FBP1: variants seen among roughly 807,000 people sequenced by gnomAD.
The protein encoded by FBP1 is fructose-bisphosphatase 1, also known as fructose-1,6-bisphosphatase 1.
Under a neutral mutation model 29.9 loss-of-function variants are expected in FBP1, and 22 were observed. That is an observed-to-expected ratio of 0.74 (90% confidence interval 0.53 to 1.05). FBP1 has a LOEUF of 1.05. Among genes scored for constraint, FBP1 ranks in the 50% least tolerant of loss-of-function variants. The pLI, the probability that FBP1 is intolerant of heterozygous loss-of-function variation, is 0.00. For synonymous variants in FBP1, 175 were observed against 178.6 expected, an observed-to-expected ratio of 0.98 and a Z score of 0.16; for missense variants, 345 against 448.2, an observed-to-expected ratio of 0.77 and a Z score of 2.08.
intron 3 of FBP1, 73 bp downstream of exon 3, chr9:94,617,695 A>C: frequency 1.0e-6 from 1 of 957,882 alleles, no homozygotes; most frequent in Non-Finnish European, 1.7e-6. Flanking sequence ...CTGCTCTGCC[A>C]CAGTGAAATA....
rs140366647 is a variant in FBP1 at position 94,605,471 on chromosome 9, T to A, written c.811A>T (p.Ser271Cys). Residue 271 changes from serine (S) to cysteine (C), a missense_variant, in exon 6 of 7, where the codon AGC becomes TGC. Coordinates refer to ENST00000375326, the MANE Select transcript of FBP1 (RefSeq NM_000507.4). The stretch of plus-strand genomic sequence containing the variant: ...GACACCCTTACCTTTCCATTGGGGC[T>A]CTTCTTGTTAGCGGGGTACAGAAAT... ...GIFLYPANKK[S>C]PNGKLRLLYE... The A allele has an allele frequency of 2.5e-6, 4 of 1,613,786 alleles. No homozygotes were observed. In the African/African-American group the frequency reaches 5.3e-5, roughly 22 times the overall value.
Position 94,620,413 on chromosome 9 carries a change from C to T in FBP1, c.249G>A (p.Met83Ile). 6.2e-7 allele frequency: 1 copy of T among 1,614,164 alleles called. No individual in the cohort carries two copies. Among genetic ancestry groups the T allele is most frequent in the Non-Finnish European group, 8.5e-7 (1 of 1,180,028 alleles). ...KLDVLSNDLVMNMLKSSFATC... is the reference protein window; with the variant it reads ...KLDVLSNDLVINMLKSSFATC... The stretch of plus-strand genomic sequence containing the variant: ...TGGCAAAGGATGACTTTAACATGTT[C>T]ATAACCAGGTCGTTGGAGAGGACGT... The change falls in exon 2 of 7, where the codon ATG (methionine) becomes ATA (isoleucine). Residue 83 changes from methionine (M) to isoleucine (I), a missense_variant. By Grantham distance (10) the Met-to-Ile change is conservative. Transcript: ENST00000375326.
At chr9:94,623,003 T>TATTTTC (rs1827970141) in intron 1 of FBP1, among the ~76,000 whole-genome samples, 1 of 152,086 alleles carries the variant, frequency 6.6e-6, no homozygotes. Flanking sequence ...TTTTTATTTT[T>TATTTTC]GGAGACAGTG....
chr9:94,605,879 C>A lies in FBP1; in HGVS notation c.706-303G>T, dbSNP rs144079895. On this transcript the variant is annotated intron_variant, in intron 5 of 6. Transcript: ENST00000375326. ...ACAGAAACTGTACCATTTAGTAACA[C>A]CTTAAAGGCTGAGAAAGTTTGTTAC... Among the ~76,000 whole-genome samples the A allele has an allele frequency of 6.6e-3, 1,012 of 152,194 alleles. 6 individuals are homozygous for A. Among genetic ancestry groups the A allele is most frequent in the Non-Finnish European group, 0.011 (729 of 68,014 alleles).
intron 3 of FBP1, among the ~76,000 whole-genome samples, chr9:94,612,257 C>T (rs991938286): frequency 3.3e-5 from 5 of 152,264 alleles, no homozygotes; most frequent in East Asian, 3.9e-4. Context: ...AGGACTCTAA[C>T]TCTCCTCTCC....
intron 3 of FBP1, among the ~76,000 whole-genome samples, chr9:94,614,798 G>A (rs949803994): frequency 6.6e-6 from 1 of 152,180 alleles, no homozygotes; most frequent in Non-Finnish European, 1.5e-5. Context: ...TGCCTCATGA[G>A]CCCTCAACTG....
intron 4 of FBP1, among the ~76,000 whole-genome samples, chr9:94,607,780 C>T (rs952772883): frequency 2.6e-5 from 4 of 151,514 alleles, no homozygotes; most frequent in African/African-American, 9.8e-5. Context: ...AAAAAAGGCC[C>T]ACCGACACCT....
Position 94,610,080 on chromosome 9 carries a change from C to A in FBP1, c.427-19G>T, listed in dbSNP as rs1349835427. 2 of 1,612,836 alleles carry A rather than the reference C, an allele frequency of 1.2e-6. No homozygotes were observed. The highest frequency in any genetic ancestry group is 1.7e-5 in the Admixed American group (1 of 59,856). ...TTGATTTCTAGAGCAAGAAAGAAAT[C>A]AAAGAATGTTTTTGTTTTGTTTTGT... is the stretch of plus-strand genomic sequence containing the variant. On this transcript the variant is annotated intron_variant, in intron 3 of 6. Coordinates refer to ENST00000375326, the MANE Select transcript of FBP1 (RefSeq NM_000507.4).
At chr9:94,618,635 T>C (rs1225214214) in intron 2 of FBP1, among the ~76,000 whole-genome samples, 1 of 152,038 alleles carries the variant, frequency 6.6e-6, no homozygotes, top group Admixed American at 6.6e-5. Flanking sequence ...TGAGGCCCTG[T>C]CTCTAAAAAC....
chr9:94,621,409 T>TATATATATA (rs1563984784), intron 1 of FBP1, among the ~76,000 whole-genome samples: 1 of 148,066 alleles, frequency 6.8e-6, no homozygotes, highest in Non-Finnish European at 1.5e-5. Context: ...ATATATATAT[T>TATATATATA]TTTAGAAGAA....
At chr9:94,635,787 C>G (rs534586764) in intron 1 of FBP1, among the ~76,000 whole-genome samples, 53 of 152,264 alleles carry the variant, frequency 3.5e-4, no homozygotes, top group African/African-American at 1.2e-3. Flanking sequence ...TAGTAAAAAC[C>G]AAAGTGCCCC....
intron 4 of FBP1, among the ~76,000 whole-genome samples, chr9:94,608,926 C>T (rs28369741): frequency 7.2e-5 from 11 of 152,154 alleles, no homozygotes; most frequent in Admixed American, 4.6e-4. Context: ...GTTGGCCAGG[C>T]ATGGTGGCTC....
At position 94,606,852 on chromosome 9, in the gene FBP1, G is replaced by C; in HGVS notation, c.668C>G (p.Ala223Gly). 6.2e-7 allele frequency: 1 copy of C among 1,613,960 alleles called. No homozygotes were observed. The highest frequency in any genetic ancestry group is 8.5e-7 in the Non-Finnish European group (1 of 1,179,848). Reference sequence around the variant, plus strand: ...CTTCCTCTGGATGTACTCAGTGACGGCAGGGTCAAAGTCCCTGGCGTAGCC... The same window carrying C: ...CTTCCTCTGGATGTACTCAGTGACGCCAGGGTCAAAGTCCCTGGCGTAGCC... Reference protein sequence around the residue: ...NEGYARDFDPAVTEYIQRKKF... With the variant: ...NEGYARDFDPGVTEYIQRKKF... Residue 223 changes from alanine to glycine, a missense_variant, in exon 5 of 7, where the codon GCC (alanine) becomes GGC (glycine). Physicochemically the swap from Ala to Gly is moderately conservative, Grantham distance 60. Transcript: ENST00000375326.
At chr9:94,606,721 T>C (rs1827705231) in intron 5 of FBP1, 94 bp downstream of exon 5, 3 of 1,290,216 alleles carry the variant, frequency 2.3e-6, no homozygotes, top group East Asian at 5.0e-5. Flanking sequence ...ATCCCAAGGA[T>C]CCCTTTCATC....
chr9:94,617,714 T>C, intron 3 of FBP1, 54 bp downstream of exon 3: 1 of 1,146,204 alleles, frequency 8.7e-7, no homozygotes, highest in East Asian at 2.4e-5. Flanking sequence ...TAGGACTGGA[T>C]GCTCAATCTT....
intron 4 of FBP1, among the ~76,000 whole-genome samples, chr9:94,607,940 G>A (rs1827724963): frequency 1.3e-5 from 2 of 152,270 alleles, no homozygotes; most frequent in African/African-American, 4.8e-5. Flanking sequence ...TTACTTTTAT[G>A]CCTTTTTTAA....
At chr9:94,622,516 C>A (rs2131491998) in intron 1 of FBP1, among the ~76,000 whole-genome samples, 1 of 152,360 alleles carries the variant, frequency 6.6e-6, no homozygotes, top group Admixed American at 6.5e-5. Context: ...AACTGAGCCC[C>A]TCCTAGAAAC....
intron 3 of FBP1, among the ~76,000 whole-genome samples, chr9:94,616,260 T>C (rs1210122264): frequency 6.6e-6 from 1 of 152,012 alleles, no homozygotes; most frequent in African/African-American, 2.4e-5. Flanking sequence ...AATGGTATGG[T>C]AGACTTTGGA....
intron 1 of FBP1, among the ~76,000 whole-genome samples, chr9:94,623,770 G>A (rs139840686): frequency 4.0e-4 from 61 of 152,320 alleles, no homozygotes; most frequent in African/African-American, 8.9e-4. Flanking sequence ...ACGGGGAACC[G>A]TTCTAGATGC....
Sources: gnomAD v4.1 joint callset for allele counts (sites outside exome capture counted in the v4.1 genomes callset) on GRCh38, gnomAD v4.1.1 for gene constraint, MANE v1.5 for transcripts, NCBI Gene and HGNC (gene_info 2026-07-23, HGNC 2026-07-21) for gene names.